The following NRDC variants were observed in gnomAD, a reference collection of about 807,000 sequenced individuals.
The protein encoded by NRDC is nardilysin.
A neutral mutation model predicts 147.1 loss-of-function variants in NRDC; 54 were observed. The ratio of observed to expected loss-of-function variants is 0.37; its 90% CI spans 0.29 to 0.46. The LOEUF is 0.46. NRDC is among the 20% of genes least tolerant of loss of function. The pLI is 1.00. For missense variants in NRDC, 1,082 were observed against 1,370.6 expected, an observed-to-expected ratio of 0.79 and a Z score of 3.33; for synonymous variants, 440 against 482.1, an observed-to-expected ratio of 0.91 and a Z score of 1.14.
At chr1:51,791,898 C>T in intron 26 of NRDC, 148 bp downstream of exon 26, 4 of 861,972 alleles carry the variant, frequency 4.6e-6, no homozygotes, top group Non-Finnish European at 5.4e-6. Flanking sequence ...GTCAAAGATA[C>T]AAATTCCAAA....
intron 25 of NRDC, 86 bp downstream of exon 25, chr1:51,792,291 C>G (rs1001610838): frequency 7.0e-7 from 1 of 1,422,426 alleles, no homozygotes; most frequent in African/African-American, 1.4e-5. Flanking sequence ...CTGACTACCC[C>G]ATGTCCCTAA....
In NRDC at chr1:51,812,047, G is replaced by A; in HGVS notation, c.1726C>T (p.Pro576Ser). 6.2e-7 allele frequency: 1 copy of A among 1,613,934 alleles called. No individual in the cohort carries two copies. The highest frequency in any genetic ancestry group is 8.5e-7 in the Non-Finnish European group (1 of 1,179,908). The change falls in exon 15 of 31, where the codon CCA becomes TCA. Residue 576 changes from proline (P) to serine (S), a missense_variant. Pro to Ser is a moderately conservative substitution (Grantham distance 74). Transcript: ENST00000352171. ...ENMCENMQLYPLQDILTGDQL... is the reference protein window; with the variant it reads ...ENMCENMQLYSLQDILTGDQL... ...TCTCCAGTGAGAATGTCCTGCAATG[G>A]GTACAGCTGCATGTTCTCACACATG...
chr1:51,790,406 G>A (rs1187692995), intron 29 of NRDC, 127 bp downstream of exon 29: 5 of 703,146 alleles, frequency 7.1e-6, no homozygotes, highest in African/African-American at 5.3e-5. Flanking sequence ...AAGTGAGCGA[G>A]TAATCAGGCC....
intron 19 of NRDC, among the ~76,000 whole-genome samples, chr1:51,804,667 C>G (rs189953387): frequency 1.2e-4 from 18 of 151,686 alleles, no homozygotes; most frequent in African/African-American, 4.1e-4. Context: ...TCCCAAGTAT[C>G]TCCTACGTTC....
In NRDC at chr1:51,789,514, C is replaced by A; in HGVS notation, c.3258+54G>T. 2.5e-6 allele frequency: 4 copies of A among 1,590,380 alleles called. No homozygotes were observed. In the South Asian group the frequency reaches 4.4e-5, roughly 18 times the overall value. ...AGAGTTCTGATGATAACCACCCAAA[C>A]TCACTCAGTAAATGACAACCCTAGA... is the stretch of plus-strand genomic sequence containing the variant. On this transcript the variant is annotated intron_variant, in intron 30 of 30. Transcript: ENST00000352171.
At chr1:51,800,379 A>G (rs1417755415) in intron 21 of NRDC, among the ~76,000 whole-genome samples, 177 bp downstream of exon 21, 1 of 152,216 alleles carries the variant, frequency 6.6e-6, no homozygotes, top group African/African-American at 2.4e-5. Flanking sequence ...ACAGCTAGCT[A>G]CATAAGCTGG....
At chr1:51,865,172 T>C (rs1457526578) in intron 1 of NRDC, among the ~76,000 whole-genome samples, 1 of 152,038 alleles carries the variant, frequency 6.6e-6, no homozygotes, top group African/African-American at 2.4e-5. Context: ...ACAAGTCAAA[T>C]TTATAAAAAG....
At chr1:51,863,390 C>T (rs1316919143) in intron 1 of NRDC, among the ~76,000 whole-genome samples, 1 of 151,442 alleles carries the variant, frequency 6.6e-6, no homozygotes, top group Admixed American at 6.6e-5. Flanking sequence ...TGACAGAGCA[C>T]GACTCTGTCT....
chr1:51,833,998 T>C lies in NRDC; in HGVS notation c.866+19A>G. On this transcript the variant is annotated intron_variant, in intron 4 of 30. Coordinates refer to ENST00000352171, the MANE Select transcript of NRDC (RefSeq NM_001101662.2). ...TGCCATTAGATCATTAAAATTAAAG[T>C]ATATTTAGAGTTAGTTACCTATCAA... is the stretch of plus-strand genomic sequence containing the variant. 2 of 1,604,518 alleles carry C rather than the reference T, an allele frequency of 1.2e-6. No individual in the cohort carries two copies. Among genetic ancestry groups the C allele is most frequent in the South Asian group, 2.2e-5 (2 of 90,812 alleles).
At chr1:51,790,723 C>T in intron 28 of NRDC, 74 bp from the exon 29 acceptor site, 2 of 1,134,348 alleles carry the variant, frequency 1.8e-6, no homozygotes, top group Non-Finnish European at 2.7e-6. Flanking sequence ...GGGCCCTGTC[C>T]AGCCCGGCTT....
chr1:51,801,153 G>T (rs1571845680), intron 20 of NRDC: 2 of 152,576 alleles, frequency 1.3e-5, no homozygotes. Context: ...GTCAAATTTG[G>T]AACAATTCTT....
intron 13 of NRDC, 122 bp from the exon 14 acceptor site, chr1:51,814,211 G>T: frequency 1.6e-6 from 1 of 638,274 alleles, no homozygotes; most frequent in East Asian, 2.8e-5. Context: ...TAGTACCTGG[G>T]TGACAAAATA....
At chr1:51,814,652 T>A in intron 12 of NRDC, 41 bp downstream of exon 12, 3 of 1,607,080 alleles carry the variant, frequency 1.9e-6, no homozygotes, top group Non-Finnish European at 2.6e-6. Context: ...TAAAGTGATA[T>A]CTACGTAAAA....
rs1679658625 is a variant in NRDC, at chr1:51,810,347, A to C, written c.1837T>G (p.Ser613Ala). The C allele has an allele frequency of 1.2e-6, 2 of 1,612,162 alleles. No homozygotes were observed. Among genetic ancestry groups the C allele is most frequent in the Non-Finnish European group, 1.7e-6 (2 of 1,178,670 alleles). The change falls in exon 16 of 31, where the codon TCT becomes GCT. Residue 613 changes from serine to alanine, a missense_variant. Physicochemically the swap from Ser to Ala is moderately conservative, Grantham distance 99. Transcript: ENST00000352171. ...TCACATTTTCCCTCATTAGCACCAGACAGTAAAACAAGATTTGCTTTTTGA... is the reference window on the plus strand; with the variant it reads ...TCACATTTTCCCTCATTAGCACCAGCCAGTAAAACAAGATTTGCTTTTTGA... The part of the protein sequence containing the change: ...VPQKANLVLL[S>A]GANEGKCDLK...
intron 30 of NRDC, 53 bp downstream of exon 30, chr1:51,789,515 T>G: frequency 1.3e-6 from 2 of 1,589,432 alleles, no homozygotes; most frequent in South Asian, 2.2e-5. Flanking sequence ...CCACCCAAAC[T>G]CACTCAGTAA....
intron 1 of NRDC, among the ~76,000 whole-genome samples, chr1:51,860,505 T>A (rs1682478016): frequency 6.6e-6 from 1 of 152,192 alleles, no homozygotes; most frequent in African/African-American, 2.4e-5. Context: ...TACTCGACTC[T>A]CCCAGTGCCT....
At chr1:51,833,665 G>A (rs1381553327) in intron 4 of NRDC, among the ~76,000 whole-genome samples, 1 of 152,090 alleles carries the variant, frequency 6.6e-6, no homozygotes, top group Non-Finnish European at 1.5e-5. Context: ...CTGGAGTGCA[G>A]TGGTGTGACT....
chr1:51,796,030 T>C (rs527478691), intron 22 of NRDC, among the ~76,000 whole-genome samples: 6 of 151,852 alleles, frequency 4.0e-5, no homozygotes, highest in Non-Finnish European at 5.9e-5. Context: ...CAGGTGTGCA[T>C]TGCTACACCC....
intron 27 of NRDC, 76 bp from the exon 28 acceptor site, chr1:51,791,066 G>A (rs1678617474): frequency 5.1e-6 from 5 of 983,842 alleles, no homozygotes; most frequent in Non-Finnish European, 7.9e-6. Flanking sequence ...ATCTCAGGCA[G>A]AAGGCAAAAG....
Sources: gnomAD v4.1 joint callset for allele counts (sites outside exome capture counted in the v4.1 genomes callset) on GRCh38, gnomAD v4.1.1 for gene constraint, MANE v1.5 for transcripts, NCBI Gene and HGNC (gene_info 2026-07-23, HGNC 2026-07-21) for gene names.